The following TET1 variants were observed in gnomAD, a reference collection of about 807,000 sequenced individuals.
TET1 encodes the protein methylcytosine dioxygenase TET1.
Under a neutral mutation model 148.7 loss-of-function variants are expected in TET1, and 13 were observed. The observed-to-expected ratio is 0.09, with a 90% CI of 0.06 to 0.14. TET1 has a LOEUF of 0.14. Among genes scored for constraint, TET1 ranks in the 10% least tolerant of loss-of-function variants. The pLI is 1.00. For missense variants in TET1, 2,182 were observed against 2,553.8 expected (o/e 0.85, Z 3.14); for synonymous variants, 907 against 937.2 (o/e 0.97, Z 0.59).
chr10:68,593,915 ATTTTTTTTTTTTTT>A (rs3998851), intron 2 of TET1, among the ~76,000 whole-genome samples: 4 of 44,750 alleles, frequency 8.9e-5, no homozygotes, highest in South Asian at 1.2e-3. Flanking sequence ...CGCCTGAGCT[ATTTTTTTTTTTTTT>A]TTTTTTTTTT....
intron 2 of TET1, 102 bp from the exon 3 acceptor site, chr10:68,600,879 G>A: frequency 1.2e-6 from 1 of 856,466 alleles, no homozygotes; most frequent in Non-Finnish European, 1.9e-6. Context: ...GATTTTAAAT[G>A]GTATAAATAG....
chr10:68,580,755 C>T (rs988947773), intron 2 of TET1, among the ~76,000 whole-genome samples: 63 of 141,766 alleles, frequency 4.4e-4, no homozygotes, highest in Non-Finnish European at 6.6e-4. Context: ...GCACTCCAGC[C>T]TGGGCAACAA....
At chr10:68,602,294 A>G (rs964883884) in intron 3 of TET1, among the ~76,000 whole-genome samples, 3 of 152,188 alleles carry the variant, frequency 2.0e-5, no homozygotes, top group African/African-American at 4.8e-5. Flanking sequence ...GTGTTGATCC[A>G]TCGACCCCCA....
intron 1 of TET1, among the ~76,000 whole-genome samples, chr10:68,561,726 C>A (rs10998275): frequency 7.0e-6 from 1 of 141,898 alleles, no homozygotes; most frequent in Non-Finnish European, 1.5e-5. Flanking sequence ...CCGGTCCCCG[C>A]CTCTCTCGCC....
At chr10:68,654,879 G>A (rs1331334949) in intron 6 of TET1, among the ~76,000 whole-genome samples, 6 of 152,214 alleles carry the variant, frequency 3.9e-5, no homozygotes. Flanking sequence ...GGTGCAGCTG[G>A]AAGACCCACT....
At chr10:68,687,202 C>T (rs2055526841) in intron 11 of TET1, among the ~76,000 whole-genome samples, 1 of 150,496 alleles carries the variant, frequency 6.6e-6, no homozygotes, top group Non-Finnish European at 1.5e-5. Flanking sequence ...CGCGCCCGGC[C>T]TACTTATCCT....
At chr10:68,655,123 C>A (rs1334977505) in intron 6 of TET1, among the ~76,000 whole-genome samples, 1 of 152,184 alleles carries the variant, frequency 6.6e-6, no homozygotes, top group Non-Finnish European at 1.5e-5. Flanking sequence ...CCATAGCCAG[C>A]CACTGCACTC....
At chr10:68,624,658 TTCTCTC>T (rs201414722) in intron 3 of TET1, among the ~76,000 whole-genome samples, 35 of 95,254 alleles carry the variant, frequency 3.7e-4, no homozygotes, top group Non-Finnish European at 5.9e-4. Flanking sequence ...CTTTCTTTCT[TTCTCTC>T]TCTCTCTCTC....
intron 3 of TET1, among the ~76,000 whole-genome samples, chr10:68,615,054 C>G (rs571892045): frequency 6.6e-6 from 1 of 151,828 alleles, no homozygotes; most frequent in Non-Finnish European, 1.5e-5. Flanking sequence ...TTTGCCTCAG[C>G]CTCCTGAATA....
At chr10:68,640,698 CCTG>C (rs1367645873) in intron 3 of TET1, among the ~76,000 whole-genome samples, 5 of 150,774 alleles carry the variant, frequency 3.3e-5, no homozygotes, top group Admixed American at 2.0e-4. Context: ...ACTACAGGCG[CCTG>C]CCACCACACC....
At chr10:68,604,065 G>A (rs1460636714) in intron 3 of TET1, among the ~76,000 whole-genome samples, 3 of 152,172 alleles carry the variant, frequency 2.0e-5, no homozygotes, top group Non-Finnish European at 4.4e-5. Flanking sequence ...GGAAACACAA[G>A]CATTTCCTTG....
intron 3 of TET1, 41 bp downstream of exon 3, chr10:68,601,075 A>T: frequency 1.3e-6 from 2 of 1,542,362 alleles, no homozygotes; most frequent in Non-Finnish European, 1.8e-6. Context: ...TTATTTTTCC[A>T]TTTCATATAG....
At chr10:68,679,809 G>A (rs970684650) in intron 8 of TET1, among the ~76,000 whole-genome samples, 7 of 152,060 alleles carry the variant, frequency 4.6e-5, no homozygotes, top group African/African-American at 1.7e-4. Context: ...AAATATCTGG[G>A]ACTACAGGCG....
intron 3 of TET1, among the ~76,000 whole-genome samples, chr10:68,606,193 C>G (rs2054121259): frequency 6.6e-6 from 1 of 152,016 alleles, no homozygotes; most frequent in African/African-American, 2.4e-5. Flanking sequence ...ATGGTGAAAC[C>G]CTGTCTCTAC....
intron 6 of TET1, among the ~76,000 whole-genome samples, chr10:68,659,675 C>T (rs1231943504): frequency 2.0e-5 from 3 of 152,164 alleles, no homozygotes; most frequent in Non-Finnish European, 4.4e-5. Context: ...TGCTAAAGTA[C>T]CATTAGTACT....
rs370281039 is a variant in TET1 at position 68,656,708 on chromosome 10, G to A, written c.4461+4114G>A. Among the ~76,000 whole-genome samples, 49 of 152,308 alleles carry A rather than the reference G, an allele frequency of 3.2e-4. 1 individual carries two copies. The South Asian group carries it at 9.5e-3, about 30-fold the overall frequency. ...AATTTGTGTTGAGTGAATGAATATGGAGCTTAAATATGGCTATTTAGAAAA... is the reference window on the plus strand; with the variant it reads ...AATTTGTGTTGAGTGAATGAATATGAAGCTTAAATATGGCTATTTAGAAAA... On this transcript the variant is annotated intron_variant, in intron 6 of 11. Coordinates refer to ENST00000373644, the MANE Select transcript of TET1 (RefSeq NM_030625.3).
At chr10:68,686,243 A>G in intron 10 of TET1, 113 bp from the exon 11 acceptor site, 1 of 880,280 alleles carries the variant, frequency 1.1e-6, no homozygotes, top group Non-Finnish European at 1.7e-6. Context: ...AATTGAAAAT[A>G]AAATGGGAAT....
chr10:68,640,390 A>C (rs1450070364), intron 3 of TET1, among the ~76,000 whole-genome samples: 1 of 148,504 alleles, frequency 6.7e-6, no homozygotes, highest in African/African-American at 2.5e-5. Flanking sequence ...CAGCCTTCCG[A>C]GTTGCTGGGA....
In TET1 at chr10:68,574,271, G is replaced by C. The variant is rs375819944; in HGVS notation, c.1914+19G>C. The stretch of plus-strand genomic sequence containing the variant: ...TCTGGAGGTAAGCAAACAGTCAAGG[G>C]GCTGGGAGACAGCTGACACTTGGTA... On this transcript the variant is annotated intron_variant, in intron 2 of 11. Transcript: ENST00000373644. The C allele has an allele frequency of 1.2e-5, 19 of 1,596,958 alleles. No individual in the cohort carries two copies. In the African/African-American group the frequency reaches 2.4e-4, roughly 20 times the overall value.
Sources: allele counts gnomAD v4.1 joint callset (sites outside exome capture counted in the v4.1 genomes callset), GRCh38; gene constraint gnomAD v4.1.1; transcripts MANE v1.5; gene names NCBI Gene and HGNC (gene_info 2026-07-23, HGNC 2026-07-21).